The following ZFP90 variants were observed in gnomAD, a reference collection of about 807,000 sequenced individuals.
ZFP90 encodes ZFP90 zinc finger protein, also known as zinc finger protein 90 homolog.
Under a neutral mutation model 60.8 loss-of-function variants are expected in ZFP90, and 38 were observed. The observed-to-expected ratio is 0.62, with a 90% CI of 0.48 to 0.82. The LOEUF (loss-of-function observed/expected upper bound fraction) is 0.82. ZFP90 is among the 40% of genes least tolerant of loss of function. The pLI, the probability that ZFP90 is intolerant of heterozygous loss-of-function variation, is 0.00. For missense variants in ZFP90, 711 were observed against 759.1 expected, an observed-to-expected ratio of 0.94 and a Z score of 0.74; for synonymous variants, 287 against 264.8, an observed-to-expected ratio of 1.08 and a Z score of -0.82.
intron 2 of ZFP90, among the ~76,000 whole-genome samples, chr16:68,542,228 T>C (rs1359940692): frequency 6.6e-6 from 1 of 152,056 alleles, no homozygotes; most frequent in Non-Finnish European, 1.5e-5. Flanking sequence ...CAGAGGCTGC[T>C]TGGAGTTGAG....
Position 68,565,732 on chromosome 16 carries a change from GT to G in ZFP90, c.*1036del. On this transcript the variant is annotated 3_prime_UTR_variant, in exon 5 of 5. Transcript: ENST00000563169. The stretch of plus-strand genomic sequence containing the variant: ...TTCCCGTTAATTTTCTTGCAGAAAA[GT>G]TAAGTCTAATTGCCCATTGCCATAA... 1 of 890,156 alleles carries G rather than the reference GT, an allele frequency of 1.1e-6. No homozygotes were observed. The highest frequency in any genetic ancestry group is 5.5e-5 in the South Asian group (1 of 18,266). The allele number at this position is 890,156 out of a possible 1,614,324, so 55.1% of individuals were successfully genotyped here. A position where few individuals can be genotyped will look rare whatever the true frequency, so the allele number is the denominator to read the frequency against.
At position 68,548,824 on chromosome 16, in the gene ZFP90, T is replaced by C. The variant is rs991351490; in HGVS notation, c.33+8999T>C. ...TATCTTTAAGTTCATCTTTTAAAAATTTCTTCTTACTCGATTTATCAGAGG... is the reference window on the plus strand; with the variant it reads ...TATCTTTAAGTTCATCTTTTAAAAACTTCTTCTTACTCGATTTATCAGAGG... On this transcript the variant is annotated intron_variant, in intron 2 of 4. Transcript: ENST00000563169. 3.3e-5 allele frequency among the ~76,000 whole-genome samples: 5 copies of C among 151,980 alleles called. No individual in the cohort carries two copies. The East Asian group carries it at 9.6e-4, about 29-fold the overall frequency.
chr16:68,545,567 C>T (rs2091133946), intron 2 of ZFP90, among the ~76,000 whole-genome samples: 1 of 152,146 alleles, frequency 6.6e-6, no homozygotes, highest in African/African-American at 2.4e-5. Context: ...GTAATCCCAG[C>T]ACTTTGGGAG....
chr16:68,533,657 C>A (rs1028246265), intron 1 of ZFP90: 1 of 152,090 alleles, frequency 6.6e-6, no homozygotes, highest in Non-Finnish European at 1.5e-5. Flanking sequence ...TCCATTGTTG[C>A]CATCTTCTAA....
At chr16:68,575,052 G>T (rs1218472678) in intron 2 of ZFP90, among the ~76,000 whole-genome samples, 1 of 151,990 alleles carries the variant, frequency 6.6e-6, no homozygotes, top group Non-Finnish European at 1.5e-5. Context: ...GGAAAATGTT[G>T]AACTGGGGAA....
chr16:68,566,597 C>G lies in ZFP90; in HGVS notation c.*1899C>G. ...CAAAATGGAATATTCAATGGCAGAT[C>G]TGCCCTTCTGAGATGCTGACCATCC... is the stretch of plus-strand genomic sequence containing the variant. On this transcript the variant is annotated 3_prime_UTR_variant, in exon 5 of 5. Transcript: ENST00000563169. 1.0e-6 allele frequency: 1 copy of G among 985,540 alleles called. No homozygotes were observed. Among genetic ancestry groups the G allele is most frequent in the Non-Finnish European group, 1.2e-6 (1 of 829,946 alleles). 61.0% of individuals were successfully genotyped at this position (985,540 alleles called of 1,614,324 possible).
At chr16:68,535,660 T>C (rs989942709), upstream of ZFP90, 3 of 151,298 alleles carry the variant, frequency 2.0e-5, no homozygotes, top group East Asian at 1.9e-4. Flanking sequence ...CTACGGAGAC[T>C]GAAATAAAAA....
chr16:68,550,438 A>G (rs1388477493), intron 2 of ZFP90, among the ~76,000 whole-genome samples: 2 of 151,996 alleles, frequency 1.3e-5, no homozygotes, highest in African/African-American at 4.8e-5. Flanking sequence ...TTTTGTAGAG[A>G]CTAGGTTTCT....
intron 2 of ZFP90, among the ~76,000 whole-genome samples, chr16:68,555,872 CAAGAG>C (rs893230516): frequency 2.0e-5 from 3 of 152,200 alleles, no homozygotes; most frequent in Non-Finnish European, 4.4e-5. Context: ...CCTAAGCAAA[CAAGAG>C]AAGGGTACAG....
At chr16:68,562,442 C>T (rs746286066) in intron 4 of ZFP90, 10 of 150,988 alleles carry the variant, frequency 6.6e-5, no homozygotes, top group Admixed American at 2.6e-4. Context: ...AGTGTAGAAC[C>T]GGAGCTCAAA....
intron 2 of ZFP90, among the ~76,000 whole-genome samples, chr16:68,551,707 G>A (rs1368633870): frequency 6.6e-6 from 1 of 151,664 alleles, no homozygotes; most frequent in Admixed American, 6.6e-5. Context: ...CACTGCACCT[G>A]TCTGGAACAT....
intron 2 of ZFP90, among the ~76,000 whole-genome samples, chr16:68,554,093 CAG>C (rs1175694531): frequency 6.7e-6 from 1 of 148,462 alleles, no homozygotes; most frequent in Non-Finnish European, 1.5e-5. Flanking sequence ...AAGTGGGAGA[CAG>C]TGAAGGGTTT....
chr16:68,552,334 C>A (rs994448484), intron 2 of ZFP90, among the ~76,000 whole-genome samples: 2 of 152,178 alleles, frequency 1.3e-5, no homozygotes, highest in African/African-American at 4.8e-5. Flanking sequence ...AGGTCTTGAC[C>A]TTCTAGGAGC....
In ZFP90 at chr16:68,566,571, G is replaced by A; in HGVS notation, c.*1873G>A. 1.0e-6 allele frequency: 1 copy of A among 985,552 alleles called. No individual in the cohort carries two copies. Among genetic ancestry groups the A allele is most frequent in the Non-Finnish European group, 1.2e-6 (1 of 829,934 alleles). The allele number at this position is 985,552 out of a possible 1,614,324, so 61.1% of individuals were successfully genotyped here. A position where few individuals can be genotyped will look rare whatever the true frequency, so the allele number is the denominator to read the frequency against. On this transcript the variant is annotated 3_prime_UTR_variant, in exon 5 of 5. Transcript: ENST00000563169. ...GCTCAATTAGTCTCTCCTCTGTGAT[G>A]CAAAATGGAATATTCAATGGCAGAT...
At chr16:68,548,043 T>C (rs1353845244) in intron 2 of ZFP90, among the ~76,000 whole-genome samples, 1 of 152,096 alleles carries the variant, frequency 6.6e-6, no homozygotes, top group Non-Finnish European at 1.5e-5. Flanking sequence ...GTCAGGCTGG[T>C]CTCGAACTTC....
At chr16:68,533,962 T>C (rs1410375317) in intron 2 of ZFP90, 2 of 152,226 alleles carry the variant, frequency 1.3e-5, no homozygotes, top group Admixed American at 6.5e-5. Context: ...TGGCTTGGAG[T>C]GGCAGGATTC....
chr16:68,540,115 T>C (rs572145389), intron 2 of ZFP90, among the ~76,000 whole-genome samples: 1 of 152,242 alleles, frequency 6.6e-6, no homozygotes, highest in East Asian at 1.9e-4. Flanking sequence ...CGCCAGTTTT[T>C]TGAACTCTTG....
intron 2 of ZFP90, among the ~76,000 whole-genome samples, chr16:68,550,027 A>G (rs1184692096): frequency 1.3e-5 from 2 of 152,226 alleles, no homozygotes. Flanking sequence ...GACCTAGAAC[A>G]ATGTAGAACG....
Position 68,558,115 on chromosome 16 carries a change from G to T in ZFP90, c.151G>T (p.Val51Phe). ...DVMLENYSHLVSLGYQVSKPE... is the reference protein window; with the variant it reads ...DVMLENYSHLFSLGYQVSKPE... ...GATGCTGGAGAACTATAGCCACCTG[G>T]TTTCTCTTGGTAAGGACCACTTCTC... The change falls in exon 3 of 5, where the codon GTT (valine) becomes TTT (phenylalanine). Residue 51 changes from valine (V) to phenylalanine (F), a missense_variant. Around this residue, in one of 5 missense-constraint regions of ZFP90, gnomAD observed 241 missense variants for 247.6 expected, o/e 0.97. Coordinates refer to ENST00000563169, the MANE Select transcript of ZFP90 (RefSeq NM_001305203.2). 6.2e-7 allele frequency: 1 copy of T among 1,613,682 alleles called. No individual in the cohort carries two copies. The highest frequency in any genetic ancestry group is 8.5e-7 in the Non-Finnish European group (1 of 1,179,822).
Sources: gnomAD v4.1 joint callset for allele counts (sites outside exome capture counted in the v4.1 genomes callset) on GRCh38, gnomAD v4.1.1 for gene constraint, gnomAD v4.1.1 regional missense constraint, MANE v1.5 for transcripts, NCBI Gene and HGNC (gene_info 2026-07-23, HGNC 2026-07-21) for gene names.